Variants in PCDH10 observed in about 807,000 individuals in gnomAD.
The protein encoded by PCDH10 is protocadherin 10, also known as protocadherin-10.
Under a neutral mutation model 74.4 loss-of-function variants are expected in PCDH10, and 15 were observed. That is an observed-to-expected ratio of 0.20 (90% confidence interval 0.13 to 0.31). The LOEUF is 0.31. Ranked by LOEUF, PCDH10 falls within the 10% of genes least tolerant of loss-of-function variation. The pLI is 1.00. For synonymous variants in PCDH10, 619 were observed against 589.8 expected (o/e 1.05, Z -0.72); for missense variants, 1,260 against 1,390.2 (o/e 0.91, Z 1.49).
chr4:133,150,907 CTG>C lies in PCDH10; in HGVS notation c.771_772del (p.Ser258ProfsTer26), dbSNP rs1726661550. 1.2e-6 allele frequency: 2 copies of C among 1,613,522 alleles called. No individual in the cohort carries two copies. The highest frequency in any genetic ancestry group is 1.7e-6 in the Non-Finnish European group (2 of 1,180,028). On this transcript the variant is annotated frameshift_variant, in exon 1 of 5. Transcript: ENST00000264360. LOFTEE classifies it high-confidence loss of function. Reference sequence around the variant, plus strand: ...CCCGCTTTCGACCAACCCGTCTACACTGTGTCCCTACCAGAGAACTCTCCCCC... The same window carrying C: ...CCCGCTTTCGACCAACCCGTCTACACTGTCCCTACCAGAGAACTCTCCCCC...
At chr4:133,197,408 A>C, downstream of PCDH10, among the ~76,000 whole-genome samples, 1 of 152,278 alleles carries the variant, frequency 6.6e-6, no homozygotes. Flanking sequence ...GTCATTACTT[A>C]GCTTGACAGG....
chr4:133,155,963 G>A (rs1406129760), intron 3 of PCDH10, among the ~76,000 whole-genome samples: 3 of 152,058 alleles, frequency 2.0e-5, no homozygotes, highest in African/African-American at 7.2e-5. Flanking sequence ...GTGTTTATTT[G>A]ACACATGAAG....
intron 4 of PCDH10, among the ~76,000 whole-genome samples, chr4:133,189,125 G>A (rs961191419): frequency 2.6e-5 from 4 of 151,974 alleles, no homozygotes; most frequent in Non-Finnish European, 1.5e-5. Context: ...AGAGAATAAG[G>A]TTGAGAAGAT....
At chr4:133,201,520 C>CT (rs1245055866) in intron 2 of PCDH10, among the ~76,000 whole-genome samples, 2 of 152,048 alleles carry the variant, frequency 1.3e-5, no homozygotes, top group Non-Finnish European at 2.9e-5. Context: ...TTGAGTAAAT[C>CT]TGTGGGGCTG....
chr4:133,185,518 T>C (rs1284639039), intron 4 of PCDH10, among the ~76,000 whole-genome samples: 1 of 152,176 alleles, frequency 6.6e-6, no homozygotes, highest in African/African-American at 2.4e-5. Flanking sequence ...AAAACTGTCC[T>C]GAAGTGTGTG....
chr4:133,161,677 T>C lies in PCDH10; in HGVS notation c.2798-1300T>C, dbSNP rs191754942. ...TTCGAGTTTCTTTTCTACAGACTAA[T>C]AATATACTTTTGTTTTTCAAATTGA... is the stretch of plus-strand genomic sequence containing the variant. On this transcript the variant is annotated intron_variant, in intron 3 of 4. Coordinates refer to ENST00000264360, the MANE Select transcript of PCDH10 (RefSeq NM_032961.3). Among the ~76,000 whole-genome samples, 84 of 151,938 alleles carry C rather than the reference T, an allele frequency of 5.5e-4. 1 individual carries two copies. Among genetic ancestry groups the C allele is most frequent in the East Asian group, 4.4e-3 (23 of 5,170 alleles).
chr4:133,189,457 T>C (rs1227690852), intron 4 of PCDH10, among the ~76,000 whole-genome samples: 1 of 152,098 alleles, frequency 6.6e-6, no homozygotes, highest in African/African-American at 2.4e-5. Flanking sequence ...GGCATTCTGC[T>C]TTGTAATTTA....
intron 2 of PCDH10, among the ~76,000 whole-genome samples, chr4:133,202,682 C>T (rs565910284): frequency 2.0e-5 from 3 of 152,160 alleles, no homozygotes; most frequent in East Asian, 3.9e-4. Flanking sequence ...CTGTCCTGGA[C>T]TTTTGGTGCA....
At chr4:133,202,842 A>C (rs1372743465) in intron 2 of PCDH10, among the ~76,000 whole-genome samples, 1 of 152,154 alleles carries the variant, frequency 6.6e-6, no homozygotes, top group Admixed American at 6.6e-5. Context: ...GTATATCAAC[A>C]TGTTCCCTCA....
chr4:133,184,801 T>TAAAAAA (rs1560714396), intron 4 of PCDH10, among the ~76,000 whole-genome samples: 1 of 141,652 alleles, frequency 7.1e-6, no homozygotes, highest in Non-Finnish European at 1.5e-5. Context: ...TATATTTATA[T>TAAAAAA]ATATATATTT....
At chr4:133,165,577 T>G (rs987460248) in intron 4 of PCDH10, among the ~76,000 whole-genome samples, 1 of 151,776 alleles carries the variant, frequency 6.6e-6, no homozygotes, top group African/African-American at 2.4e-5. Context: ...AGCTAAAAAT[T>G]GACACTACTT....
intron 4 of PCDH10, among the ~76,000 whole-genome samples, chr4:133,178,596 TTAAAATACTGGTAAA>T (rs1260498876): frequency 2.0e-5 from 3 of 151,694 alleles, no homozygotes; most frequent in Non-Finnish European, 4.4e-5. Flanking sequence ...AGATGATAAC[TTAAAATACTGGTAAA>T]TTGAAATGTG....
rs760923054 is a variant in PCDH10 at position 133,152,244 on chromosome 4, C to G, written c.2104C>G (p.Pro702Ala). 3 of 1,610,692 alleles carry G rather than the reference C, an allele frequency of 1.9e-6. No homozygotes were observed. The African/African-American group carries it at 4.0e-5, about 22-fold the overall frequency. Residue 702 changes from proline (P) to alanine (A), a missense_variant, in exon 1 of 5, where the codon CCC becomes GCC. By Grantham distance (27) the Pro-to-Ala change is conservative. Coordinates refer to ENST00000264360, the MANE Select transcript of PCDH10 (RefSeq NM_032961.3). ...CGGAGGGTCAGGAGAGCACCAGCGC[C>G]CCAGTCGCTCTGGCGGCGGGGAAAC... ...GGGGSGEHQR[P>A]SRSGGGETSL...
chr4:133,151,022 G>C lies in PCDH10; in HGVS notation c.882G>C (p.Ser294=). ...EVVYSFSSHI[S]PRARELFGLS... is the part of the protein sequence containing the mutation. ...TGTACTCCTTCAGCAGCCACATTTC[G>C]CCCCGGGCGCGGGAGCTTTTCGGAC... Residue 294 remains serine, a synonymous_variant, in exon 1 of 5, where the codon TCG becomes TCC. Coordinates refer to ENST00000264360, the MANE Select transcript of PCDH10 (RefSeq NM_032961.3). 1 of 1,613,732 alleles carries C rather than the reference G, an allele frequency of 6.2e-7. No individual in the cohort carries two copies. Among genetic ancestry groups the C allele is most frequent in the Non-Finnish European group, 8.5e-7 (1 of 1,180,020 alleles).
chr4:133,204,127 G>T (rs898468370), intron 2 of PCDH10, among the ~76,000 whole-genome samples: 1 of 152,144 alleles, frequency 6.6e-6, no homozygotes, highest in Admixed American at 6.5e-5. Flanking sequence ...CTGGGAGTCA[G>T]GAGGATGCAT....
At chr4:133,158,201 T>C (rs949980466) in intron 3 of PCDH10, among the ~76,000 whole-genome samples, 10 of 152,210 alleles carry the variant, frequency 6.6e-5, no homozygotes, top group Non-Finnish European at 1.0e-4. Flanking sequence ...CATTAAAGCA[T>C]AATTATTTCT....
chr4:133,161,977 A>G lies in PCDH10; in HGVS notation c.2798-1000A>G, dbSNP rs146721110. On this transcript the variant is annotated intron_variant, in intron 3 of 4. Coordinates refer to ENST00000264360, the MANE Select transcript of PCDH10 (RefSeq NM_032961.3). ...CTATATATATCAGCATTAATATCAA[A>G]TAGTATTCTGTAGTGCTTGAAAATT... Among the ~76,000 whole-genome samples the G allele has an allele frequency of 4.9e-4, 74 of 152,246 alleles. No homozygotes were observed. In the East Asian group the frequency reaches 0.013, roughly 26 times the overall value.
chr4:133,157,351 G>A (rs532714101), intron 3 of PCDH10, among the ~76,000 whole-genome samples: 4 of 152,198 alleles, frequency 2.6e-5, no homozygotes, highest in Middle Eastern at 6.8e-3. Flanking sequence ...AATCCATACT[G>A]CTGTTATGTA....
chr4:133,163,020 G>A lies in PCDH10; in HGVS notation c.2841G>A (p.Leu947=). Residue 947 remains leucine, a synonymous_variant, in exon 4 of 5, where the codon CTG becomes CTA. Coordinates refer to ENST00000264360, the MANE Select transcript of PCDH10 (RefSeq NM_032961.3). The part of the protein sequence containing the change: ...FSNCTEECKA[L]GHSDRCWMPS... Reference sequence around the variant, plus strand: ...ATTGCACTGAGGAATGTAAAGCTCTGGGCCACTCAGATCGGTGCTGGATGC... The same window carrying A: ...ATTGCACTGAGGAATGTAAAGCTCTAGGCCACTCAGATCGGTGCTGGATGC... The A allele has an allele frequency of 6.2e-7, 1 of 1,614,096 alleles. No individual in the cohort carries two copies. The highest frequency in any genetic ancestry group is 8.5e-7 in the Non-Finnish European group (1 of 1,179,992).
Sources: gnomAD v4.1 joint callset for allele counts (sites outside exome capture counted in the v4.1 genomes callset) on GRCh38, gnomAD v4.1.1 for gene constraint, MANE v1.5 for transcripts, NCBI Gene and HGNC (gene_info 2026-07-23, HGNC 2026-07-21) for gene names.